Variants in HPSE observed in about 807,000 individuals in gnomAD.
HPSE encodes the protein heparanase, also known as endo-glucoronidase.
A neutral mutation model predicts 65.1 loss-of-function variants in HPSE; 48 were observed. That is an observed-to-expected ratio of 0.74 (90% CI 0.58 to 0.94). The LOEUF (loss-of-function observed/expected upper bound fraction) is 0.94. HPSE is among the 40% of genes least tolerant of loss of function. HPSE has a pLI of 0.00. For synonymous variants in HPSE, 243 were observed against 260.0 expected, an observed-to-expected ratio of 0.93 and a Z score of 0.63; for missense variants, 644 against 637.5, an observed-to-expected ratio of 1.01 and a Z score of -0.11.
intron 6 of HPSE, 70 bp from the exon 7 acceptor site, chr4:83,309,565 A>G (rs751779863): frequency 4.4e-5 from 38 of 858,642 alleles, no homozygotes; most frequent in Non-Finnish European, 7.3e-5. Flanking sequence ...TTAATTGCTG[A>G]CCTTATTCTC....
chr4:83,312,406 A>C (rs1736421874), intron 4 of HPSE, among the ~76,000 whole-genome samples: 2 of 152,078 alleles, frequency 1.3e-5, no homozygotes, highest in African/African-American at 4.8e-5. Context: ...GGCCGGGCGC[A>C]GTGGCTCACG....
chr4:83,332,894 C>G (rs1008447717), intron 1 of HPSE, among the ~76,000 whole-genome samples: 9 of 152,198 alleles, frequency 5.9e-5, no homozygotes, highest in African/African-American at 2.2e-4. Context: ...AAATGGACAT[C>G]TACTTCATAC....
At chr4:83,296,887 T>C (rs1351337128) in intron 11 of HPSE, among the ~76,000 whole-genome samples, 1 of 152,176 alleles carries the variant, frequency 6.6e-6, no homozygotes, top group Non-Finnish European at 1.5e-5. Context: ...AATATTTTGA[T>C]GTATATTCAT....
intron 4 of HPSE, among the ~76,000 whole-genome samples, chr4:83,311,927 T>C (rs922077953): frequency 1.3e-5 from 2 of 152,142 alleles, no homozygotes; most frequent in African/African-American, 4.8e-5. Context: ...TGGCGAATCA[T>C]GAATACTTAT....
intron 8 of HPSE, 103 bp from the exon 9 acceptor site, chr4:83,306,420 T>C (rs1736151787): frequency 1.7e-6 from 1 of 587,098 alleles, no homozygotes; most frequent in East Asian, 3.0e-5. Context: ...TTTATTTACT[T>C]ATTTATTTAT....
intron 1 of HPSE, among the ~76,000 whole-genome samples, chr4:83,332,011 T>C (rs150174861): frequency 6.6e-6 from 1 of 152,384 alleles, no homozygotes; most frequent in East Asian, 1.9e-4. Flanking sequence ...CACAGTGTTG[T>C]AGCCAAGACT....
At chr4:83,320,959 G>A (rs1736867821) in intron 2 of HPSE, among the ~76,000 whole-genome samples, 1 of 152,214 alleles carries the variant, frequency 6.6e-6, no homozygotes, top group Admixed American at 6.5e-5. Flanking sequence ...CAATACTTTG[G>A]GACGCCAAGG....
chr4:83,298,907 G>A (rs915590086), intron 11 of HPSE, among the ~76,000 whole-genome samples: 6 of 152,044 alleles, frequency 3.9e-5, no homozygotes, highest in South Asian at 2.1e-4. Flanking sequence ...ATGAGTAAGC[G>A]TACAGACTGT....
chr4:83,315,577 G>T (rs554500143), intron 3 of HPSE, among the ~76,000 whole-genome samples: 1 of 152,244 alleles, frequency 6.6e-6, no homozygotes, highest in East Asian at 1.9e-4. Context: ...AAATCATGTT[G>T]TAGGAAGTGC....
rs982818266 is a variant in HPSE, at chr4:83,293,729, G to A, written c.*1615C>T. On this transcript the variant is annotated 3_prime_UTR_variant, in exon 12 of 12. Coordinates refer to ENST00000311412, the MANE Select transcript of HPSE (RefSeq NM_001098540.3). ...AATTTTAAGTTTACAGAATCTCCTC[G>A]CCTCTGAATTGTCATTAACCATTTT... 11 of 152,094 alleles carry A rather than the reference G, an allele frequency of 7.2e-5. No homozygotes were observed. The highest frequency in any genetic ancestry group is 2.2e-4 in the African/African-American group (9 of 41,390). The allele number at this position is 152,094 out of a possible 1,614,324, so 9.4% of individuals were successfully genotyped here. A position where few individuals can be genotyped will look rare whatever the true frequency, so the allele number is the denominator to read the frequency against.
Position 83,313,157 on chromosome 4 carries a change from G to A in HPSE, c.630C>T (p.Tyr210=). The change falls in exon 4 of 12, where the codon TAC becomes TAT. Residue 210 remains tyrosine, a synonymous_variant. Coordinates refer to ENST00000311412, the MANE Select transcript of HPSE (RefSeq NM_001098540.3). ...AAATGTTATACCCCTTGGAAGAGCA[G>A]TAGTCCAGGAGCAACTGAGCATTAG... The part of the protein sequence containing the change: ...NSSNAQLLLD[Y]CSSKGYNISW... 1.9e-6 allele frequency: 3 copies of A among 1,613,942 alleles called. No individual in the cohort carries two copies. The highest frequency in any genetic ancestry group is 2.5e-6 in the Non-Finnish European group (3 of 1,179,848).
chr4:83,333,798 A>G (rs1241015667), intron 1 of HPSE, among the ~76,000 whole-genome samples: 3 of 152,040 alleles, frequency 2.0e-5, no homozygotes, highest in African/African-American at 7.2e-5. Flanking sequence ...CATTTATTGA[A>G]TATTTAGATT....
intron 11 of HPSE, among the ~76,000 whole-genome samples, chr4:83,296,229 G>C (rs867297381): frequency 6.6e-6 from 1 of 152,198 alleles, no homozygotes; most frequent in East Asian, 1.9e-4. Context: ...TCACAGGAGC[G>C]AATCAATATA....
intron 3 of HPSE, among the ~76,000 whole-genome samples, chr4:83,317,110 G>A (rs12374420): frequency 0.034 from 5,212 of 152,260 alleles, 135 homozygotes; most frequent in Middle Eastern, 0.051. Flanking sequence ...TGTTGGCCAG[G>A]TTGGTCTCGA....
At position 83,309,411 on chromosome 4, in the gene HPSE, T is replaced by C. The variant is rs1223684827; in HGVS notation, c.975A>G (p.Lys325=). ...TTAAAAAGACTATTACCTGGAAAAC[T>C]TTTTGCACAGATGAAATAAAAATGT... ...VLDIFISSVQ[K]VFQVVESTRP... The change falls in exon 7 of 12, where the codon AAA becomes AAG. Residue 325 remains lysine, a synonymous_variant. Coordinates refer to ENST00000311412, the MANE Select transcript of HPSE (RefSeq NM_001098540.3). 6.4e-7 allele frequency: 1 copy of C among 1,563,596 alleles called. No individual in the cohort carries two copies. Among genetic ancestry groups the C allele is most frequent in the South Asian group, 1.2e-5 (1 of 85,552 alleles).
In HPSE at chr4:83,334,488, G is replaced by A. The variant is rs6832713; in HGVS notation, c.227+68C>T. ...TGTTTCCGCGCAAAAGAAGGAGAGC[G>A]GCTGGCGGGGCAGACATAGGTGTCA... On this transcript the variant is annotated intron_variant, in intron 1 of 11. Coordinates refer to ENST00000311412, the MANE Select transcript of HPSE (RefSeq NM_001098540.3). 7 of 1,462,772 alleles carry A rather than the reference G, an allele frequency of 4.8e-6. No homozygotes were observed. In the South Asian group the frequency reaches 9.3e-5, roughly 19 times the overall value. 90.6% of individuals were successfully genotyped at this position (1,462,772 alleles called of 1,614,324 possible). A position where few individuals can be genotyped will look rare whatever the true frequency, so the allele number is the denominator to read the frequency against.
At chr4:83,317,335 G>T (rs1464691826) in intron 3 of HPSE, among the ~76,000 whole-genome samples, 1 of 152,192 alleles carries the variant, frequency 6.6e-6, no homozygotes, top group Non-Finnish European at 1.5e-5. Context: ...CACAGGTTCA[G>T]AACAATTTGT....
chr4:83,296,395 C>T (rs746515128), intron 11 of HPSE, among the ~76,000 whole-genome samples: 2 of 152,014 alleles, frequency 1.3e-5, no homozygotes, highest in Non-Finnish European at 2.9e-5. Flanking sequence ...AAGATTAGGC[C>T]GAGCACAGTG....
chr4:83,295,223 C>CA lies in HPSE; in HGVS notation c.*120dup. ...GCTAAATCTAGCACTGACAGTGTCC[C>CA]AGTGTCTCTCAAGCACCCACTAGTT... On this transcript the variant is annotated 3_prime_UTR_variant, in exon 12 of 12. Coordinates refer to ENST00000311412, the MANE Select transcript of HPSE (RefSeq NM_001098540.3). The CA allele has an allele frequency of 1.4e-6, 1 of 716,762 alleles. No homozygotes were observed. 44.4% of individuals were successfully genotyped at this position (716,762 alleles called of 1,614,324 possible). A position where few individuals can be genotyped will look rare whatever the true frequency, so the allele number is the denominator to read the frequency against.
Sources: gnomAD v4.1 joint callset for allele counts (sites outside exome capture counted in the v4.1 genomes callset) on GRCh38, gnomAD v4.1.1 for gene constraint, MANE v1.5 for transcripts, NCBI Gene and HGNC (gene_info 2026-07-23, HGNC 2026-07-21) for gene names.